Variants in LINGO2 observed in about 807,000 individuals in gnomAD.
The protein encoded by LINGO2 is leucine-rich repeat and immunoglobulin-like domain-containing nogo receptor-interacting protein 2.
LINGO2 carries 14 observed loss-of-function variants against 30.6 expected under a neutral mutation model. The observed-to-expected ratio is 0.46, with a 90% confidence interval of 0.30 to 0.72. LINGO2 has a LOEUF of 0.72. Among genes scored for constraint, LINGO2 ranks in the 30% least tolerant of loss-of-function variants. LINGO2 has a pLI of 0.07. For missense variants in LINGO2, 729 were observed against 751.7 expected, an observed-to-expected ratio of 0.97 and a Z score of 0.35; for synonymous variants, 317 against 288.5, an observed-to-expected ratio of 1.10 and a Z score of -1.00.
At chr9:28,814,651 G>A in the LINGO2 span, among the ~76,000 whole-genome samples, 3 of 152,274 alleles carry the variant, frequency 2.0e-5, no homozygotes, top group East Asian at 5.8e-4. Flanking sequence ...ACTTTGGGAG[G>A]CCGAGGCAGA....
At chr9:28,623,258 T>A (rs1382410781) in intron 1 of LINGO2, among the ~76,000 whole-genome samples, 1 of 152,044 alleles carries the variant, frequency 6.6e-6, no homozygotes, top group East Asian at 1.9e-4. Flanking sequence ...ACTGAAGAAA[T>A]TTTTGCCCAG....
chr9:28,055,652 G>T (rs940505419), intron 4 of LINGO2, among the ~76,000 whole-genome samples: 2 of 152,056 alleles, frequency 1.3e-5, no homozygotes, highest in Admixed American at 6.6e-5. Context: ...TATTAAGTTT[G>T]TTAGGTTTGC....
At chr9:28,401,291 C>G (rs976680386) in intron 2 of LINGO2, among the ~76,000 whole-genome samples, 1 of 152,072 alleles carries the variant, frequency 6.6e-6, no homozygotes, top group Non-Finnish European at 1.5e-5. Flanking sequence ...TCCCCTTACC[C>G]CCAACCCCCA....
At chr9:28,333,129 C>A (rs1825479727) in intron 3 of LINGO2, among the ~76,000 whole-genome samples, 1 of 152,180 alleles carries the variant, frequency 6.6e-6, no homozygotes, top group Non-Finnish European at 1.5e-5. Flanking sequence ...ACACTAGAAG[C>A]TTTCTAACAA....
intron 4 of LINGO2, among the ~76,000 whole-genome samples, chr9:28,084,533 C>T (rs549517413): frequency 2.4e-4 from 37 of 151,976 alleles, no homozygotes; most frequent in Non-Finnish European, 5.1e-4. Flanking sequence ...AAATTTAATT[C>T]TTCAAATTAA....
intron 4 of LINGO2, among the ~76,000 whole-genome samples, chr9:28,151,702 A>T (rs991312481): frequency 1.3e-5 from 2 of 151,890 alleles, no homozygotes; most frequent in African/African-American, 4.8e-5. Context: ...ATTAAAATTA[A>T]TAAAACTTTT....
At chr9:27,950,486 C>T in exon 6 of LINGO2, 1 of 1,601,082 alleles carries the variant, frequency 6.2e-7, no homozygotes, top group Non-Finnish European at 8.5e-7. Flanking sequence ...TACTGAGGTC[C>T]AAGATTTTGG....
chr9:28,690,507 G>C, the LINGO2 span, among the ~76,000 whole-genome samples: 1 of 152,078 alleles, frequency 6.6e-6, no homozygotes, highest in Admixed American at 6.6e-5. Flanking sequence ...CTCTGGGTAA[G>C]GCCATCTTCA....
chr9:28,058,616 C>A (rs1825037979), intron 4 of LINGO2, among the ~76,000 whole-genome samples: 1 of 152,054 alleles, frequency 6.6e-6, no homozygotes, highest in Admixed American at 6.6e-5. Context: ...ATACAAACAC[C>A]AATGAACAAG....
chr9:28,985,535 C>T, the LINGO2 span, among the ~76,000 whole-genome samples: 1 of 152,070 alleles, frequency 6.6e-6, no homozygotes, highest in Non-Finnish European at 1.5e-5. Flanking sequence ...TGTTATCCTT[C>T]ATCTTTTTGA....
chr9:29,118,892 C>T, the LINGO2 span, among the ~76,000 whole-genome samples: 1 of 152,174 alleles, frequency 6.6e-6, no homozygotes, highest in Non-Finnish European at 1.5e-5. Context: ...CATCCATGCC[C>T]CAGTAACAGG....
At chr9:28,172,039 A>C (rs1357060825) in intron 4 of LINGO2, among the ~76,000 whole-genome samples, 1 of 137,810 alleles carries the variant, frequency 7.3e-6, no homozygotes, top group Non-Finnish European at 1.6e-5. Flanking sequence ...AAAAACAAAA[A>C]AAAAAACCCA....
intron 4 of LINGO2, among the ~76,000 whole-genome samples, chr9:28,217,559 G>C (rs890506125): frequency 5.9e-5 from 9 of 152,066 alleles, no homozygotes; most frequent in East Asian, 5.8e-4. Flanking sequence ...TTTTTGAAGA[G>C]AGTCTTGGAA....
chr9:28,290,250 G>A (rs894235444), intron 4 of LINGO2, among the ~76,000 whole-genome samples: 13 of 152,068 alleles, frequency 8.5e-5, no homozygotes, highest in African/African-American at 3.1e-4. Flanking sequence ...TATTTATGTG[G>A]GCCTAGCGCT....
intron 1 of LINGO2, among the ~76,000 whole-genome samples, chr9:28,614,315 T>C (rs951731547): frequency 2.0e-5 from 3 of 152,160 alleles, no homozygotes; most frequent in Non-Finnish European, 2.9e-5. Context: ...TAGTGTGCTA[T>C]GTATATATAA....
At chr9:28,395,533 G>GAA (rs11394707) in intron 2 of LINGO2, among the ~76,000 whole-genome samples, 85 of 150,448 alleles carry the variant, frequency 5.6e-4, no homozygotes, top group Admixed American at 3.0e-3. Flanking sequence ...TAACAGAAGT[G>GAA]AAAAAAAAAA....
At chr9:28,579,775 T>A (rs1190091565) in intron 1 of LINGO2, among the ~76,000 whole-genome samples, 2 of 152,098 alleles carry the variant, frequency 1.3e-5, no homozygotes, top group African/African-American at 4.8e-5. Flanking sequence ...TTCCCTAATA[T>A]TCCTTTTCCA....
the LINGO2 span, among the ~76,000 whole-genome samples, chr9:28,682,808 AAAT>A: frequency 2.6e-5 from 4 of 152,142 alleles, no homozygotes; most frequent in Non-Finnish European, 5.9e-5. Context: ...ATGCAGAGTT[AAAT>A]AATAGGAAGA....
At chr9:28,313,062 A>G (rs898978013) in intron 3 of LINGO2, among the ~76,000 whole-genome samples, 2 of 152,210 alleles carry the variant, frequency 1.3e-5, no homozygotes, top group Admixed American at 1.3e-4. Context: ...TAATCCTGAC[A>G]CCTGTTTCAA....
Sources: allele counts gnomAD v4.1 joint callset (sites outside exome capture counted in the v4.1 genomes callset), GRCh38; gene constraint gnomAD v4.1.1; transcripts MANE v1.5; gene names NCBI Gene and HGNC (gene_info 2026-07-23, HGNC 2026-07-21).